The following PTPRT variants were observed in gnomAD, a reference collection of about 807,000 sequenced individuals.
The protein encoded by PTPRT is receptor-type tyrosine-protein phosphatase T.
A neutral mutation model predicts 176.8 loss-of-function variants in PTPRT; 56 were observed. That is an observed-to-expected ratio of 0.32 (90% CI 0.26 to 0.40). The LOEUF (loss-of-function observed/expected upper bound fraction) is 0.40, where lower values mean the gene tolerates loss of function less well. Ranked by LOEUF, PTPRT falls within the 10% of genes least tolerant of loss-of-function variation. PTPRT has a pLI of 1.00. For missense variants in PTPRT, 1,540 were observed against 1,908.2 expected, an observed-to-expected ratio of 0.81 and a Z score of 3.60; for synonymous variants, 783 against 739.0, an observed-to-expected ratio of 1.06 and a Z score of -0.96.
At chr20:42,469,696 T>C (rs1398221736) in intron 8 of PTPRT, among the ~76,000 whole-genome samples, 2 of 148,748 alleles carry the variant, frequency 1.3e-5, no homozygotes, top group East Asian at 3.9e-4. Flanking sequence ...TTACAGAGTC[T>C]ACTCCAAGGA....
chr20:42,858,199 A>T (rs2078598661), intron 2 of PTPRT, among the ~76,000 whole-genome samples: 1 of 152,152 alleles, frequency 6.6e-6, no homozygotes, highest in Non-Finnish European at 1.5e-5. Flanking sequence ...AAATAAAATT[A>T]CTCTGACACT....
At chr20:42,972,549 G>C (rs1259073962) in intron 1 of PTPRT, among the ~76,000 whole-genome samples, 1 of 151,562 alleles carries the variant, frequency 6.6e-6, no homozygotes, top group Non-Finnish European at 1.5e-5. Flanking sequence ...GTAGATCCCA[G>C]CTACTCAGGA....
At chr20:42,908,038 G>T (rs919138320) in intron 1 of PTPRT, among the ~76,000 whole-genome samples, 1 of 152,060 alleles carries the variant, frequency 6.6e-6, no homozygotes, top group African/African-American at 2.4e-5. Context: ...TGAAGTACTG[G>T]TGGCAGAGTA....
chr20:42,530,542 G>A (rs2072363943), intron 7 of PTPRT, among the ~76,000 whole-genome samples: 1 of 152,208 alleles, frequency 6.6e-6, no homozygotes, highest in Non-Finnish European at 1.5e-5. Context: ...GTGGCTTTTG[G>A]GATCAGGCTT....
At position 42,242,365 on chromosome 20, in the gene PTPRT, A is replaced by G. The variant is rs557345450; in HGVS notation, c.2313-6107T>C. ...AACATGTTTTTAGGAAATTCTCAGT[A>G]TTTGCAAGGCACACTGGAGATGAAG... is the stretch of plus-strand genomic sequence containing the variant. On this transcript the variant is annotated intron_variant, in intron 14 of 30. Coordinates refer to ENST00000373187, the MANE Select transcript of PTPRT (RefSeq NM_007050.6). 7.2e-5 allele frequency among the ~76,000 whole-genome samples: 11 copies of G among 152,310 alleles called. No individual in the cohort carries two copies. The East Asian group carries it at 2.1e-3, about 29-fold the overall frequency.
chr20:42,603,887 T>C (rs2073827607), intron 7 of PTPRT, among the ~76,000 whole-genome samples: 1 of 152,168 alleles, frequency 6.6e-6, no homozygotes, highest in African/African-American at 2.4e-5. Flanking sequence ...CCTCCATGCA[T>C]ATCCAGCTCT....
intron 1 of PTPRT, among the ~76,000 whole-genome samples, chr20:43,021,361 G>T (rs373422013): frequency 8.6e-4 from 131 of 152,282 alleles, no homozygotes; most frequent in South Asian, 2.9e-3. Flanking sequence ...GCTATAAAAA[G>T]TTCTGGTCTT....
At chr20:42,263,331 C>T (rs944827438) in intron 13 of PTPRT, among the ~76,000 whole-genome samples, 1 of 150,282 alleles carries the variant, frequency 6.7e-6, no homozygotes, top group African/African-American at 2.5e-5. Context: ...GCGATCTTCC[C>T]ACCTCAGTTA....
chr20:42,226,107 C>T (rs1305380690), intron 15 of PTPRT, among the ~76,000 whole-genome samples: 2 of 152,174 alleles, frequency 1.3e-5, no homozygotes, highest in Admixed American at 1.3e-4. Context: ...GCACTTGTAA[C>T]ATTATTTTGT....
At chr20:42,339,360 A>G (rs551303759) in intron 11 of PTPRT, among the ~76,000 whole-genome samples, 10 of 152,228 alleles carry the variant, frequency 6.6e-5, no homozygotes, top group Non-Finnish European at 1.2e-4. Context: ...ATAGAGAAAT[A>G]AGCTGGCAGA....
At chr20:43,163,884 G>C (rs1282233111) in intron 1 of PTPRT, among the ~76,000 whole-genome samples, 1 of 152,186 alleles carries the variant, frequency 6.6e-6, no homozygotes, top group African/African-American at 2.4e-5. Flanking sequence ...TACGAAATGT[G>C]TTCCTAAAAA....
chr20:42,389,765 G>A (rs2058781657), intron 9 of PTPRT, among the ~76,000 whole-genome samples: 1 of 151,504 alleles, frequency 6.6e-6, no homozygotes, highest in Admixed American at 6.6e-5. Context: ...TAAGGCAGGA[G>A]GATTGCTTGA....
intron 7 of PTPRT, among the ~76,000 whole-genome samples, chr20:42,536,990 A>G (rs2145564464): frequency 1.3e-5 from 2 of 152,302 alleles, no homozygotes; most frequent in Middle Eastern, 3.4e-3. Flanking sequence ...TAACCATGAT[A>G]TATCTCTTGT....
intron 7 of PTPRT, among the ~76,000 whole-genome samples, chr20:42,498,204 C>T (rs542410883): frequency 6.6e-6 from 1 of 152,178 alleles, no homozygotes; most frequent in Non-Finnish European, 1.5e-5. Context: ...CCTTGTAAAT[C>T]GAAAATAAAA....
chr20:42,054,784 T>A, the PTPRT span, among the ~76,000 whole-genome samples: 4 of 152,306 alleles, frequency 2.6e-5, no homozygotes, highest in East Asian at 5.8e-4. Flanking sequence ...ACTCAACTGA[T>A]ATGCCGAATA....
At chr20:43,105,589 C>T (rs2012570743) in intron 1 of PTPRT, among the ~76,000 whole-genome samples, 2 of 152,082 alleles carry the variant, frequency 1.3e-5, no homozygotes, top group South Asian at 4.2e-4. Flanking sequence ...TTAGTAGAGA[C>T]AAAGTTTCAC....
At chr20:42,971,053 T>G (rs1982607197) in intron 1 of PTPRT, 1 of 152,230 alleles carries the variant, frequency 6.6e-6, no homozygotes, top group Admixed American at 6.5e-5. Context: ...AATTTTTATT[T>G]GCATTTCAAA....
intron 1 of PTPRT, among the ~76,000 whole-genome samples, chr20:42,985,713 G>C (rs1226598885): frequency 6.6e-6 from 1 of 152,166 alleles, no homozygotes; most frequent in Non-Finnish European, 1.5e-5. Flanking sequence ...AAGTAGATCA[G>C]AGGTAAAGGG....
intron 6 of PTPRT, among the ~76,000 whole-genome samples, chr20:42,727,482 T>G (rs991112495): frequency 6.6e-6 from 1 of 152,180 alleles, no homozygotes; most frequent in Non-Finnish European, 1.5e-5. Context: ...GTCTAATAAC[T>G]GACATCTTTC....
Sources: gnomAD v4.1 joint callset for allele counts (sites outside exome capture counted in the v4.1 genomes callset) on GRCh38, gnomAD v4.1.1 for gene constraint, MANE v1.5 for transcripts, NCBI Gene and HGNC (gene_info 2026-07-23, HGNC 2026-07-21) for gene names.